INSR: variants seen among roughly 807,000 people sequenced by gnomAD.
INSR encodes insulin receptor, also known as IR.
In INSR, 67 loss-of-function variants were observed where a neutral mutation model predicts 142.6. The observed-to-expected ratio is 0.47, with a 90% confidence interval of 0.39 to 0.58. The LOEUF is 0.58. Among genes scored for constraint, INSR ranks in the 20% least tolerant of loss-of-function variants. INSR has a pLI of 0.00. For synonymous variants in INSR, 756 were observed against 743.1 expected (o/e 1.02, Z -0.28); for missense variants, 1,248 against 1,833.2 (o/e 0.68, Z 5.83).
At chr19:7,270,335 T>A (rs1359699348) in intron 1 of INSR, among the ~76,000 whole-genome samples, 127 of 83,286 alleles carry the variant, frequency 1.5e-3, no homozygotes, top group South Asian at 3.8e-3. Flanking sequence ...TCTCTCTCTC[T>A]CTCTCACACA....
intron 19 of INSR, 21 bp from the exon 20 acceptor site, chr19:7,120,770 C>T: frequency 6.2e-7 from 1 of 1,612,846 alleles, no homozygotes; most frequent in South Asian, 1.1e-5. Context: ...AAAAGGTTCA[C>T]ACGCTCTTAA....
At chr19:7,176,214 A>G (rs1974131431) in intron 3 of INSR, among the ~76,000 whole-genome samples, 1 of 152,118 alleles carries the variant, frequency 6.6e-6, no homozygotes, top group South Asian at 2.1e-4. Context: ...AGATGACTGG[A>G]TCATGGTGGG....
rs1972423171 is a variant in INSR, at chr19:7,119,492, C to A, written c.3751G>T (p.Asp1251Tyr). 2 of 1,614,066 alleles carry A rather than the reference C, an allele frequency of 1.2e-6. No homozygotes were observed. The highest frequency in any genetic ancestry group is 3.3e-5 in the Admixed American group (2 of 59,998). ...SNEQVLKFVM[D>Y]GGYLDQPDNC... ...TCGGGTTGATCCAGATACCCTCCATCCATGACAAATTTCAACACCTGTTCA... is the reference window on the plus strand; with the variant it reads ...TCGGGTTGATCCAGATACCCTCCATACATGACAAATTTCAACACCTGTTCA... The change falls in exon 21 of 22, where the codon GAT (aspartate) becomes TAT (tyrosine). Residue 1251 changes from aspartate (D) to tyrosine (Y), a missense_variant. Around this residue, in one of 3 missense-constraint regions of INSR, gnomAD observed 1,069 missense variants for 1,654.0 expected, o/e 0.65. Transcript: ENST00000302850. This position sits in a 1 kb window ranked among gnomAD's most constrained non-coding sequence, Gnocchi z 5.2.
chr19:7,184,663 GAAATAAATAAATAAATAAATAAAT>G (rs57380348), intron 2 of INSR, 26 bp from the exon 3 acceptor site: 18 of 961,616 alleles, frequency 1.9e-5, no homozygotes, highest in Non-Finnish European at 2.6e-5. Context: ...GAGAGAGAGG[GAAATAAATAAATAAATAAATAAAT>G]AAATAAATAA....
chr19:7,128,990 A>G (rs1371281026), intron 14 of INSR, 36 bp from the exon 15 acceptor site: 5 of 1,513,482 alleles, frequency 3.3e-6, no homozygotes, highest in Non-Finnish European at 4.6e-6. Context: ...TTTCATATCA[A>G]TGTGTTTCCA....
chr19:7,240,546 G>T (rs1477610075), intron 2 of INSR, among the ~76,000 whole-genome samples: 1 of 152,216 alleles, frequency 6.6e-6, no homozygotes, highest in African/African-American at 2.4e-5. Context: ...TCCAGCCAGG[G>T]TGACAAGAGT....
At chr19:7,282,855 C>G (rs1181292674) in intron 1 of INSR, among the ~76,000 whole-genome samples, 1 of 151,720 alleles carries the variant, frequency 6.6e-6, no homozygotes, top group African/African-American at 2.4e-5. Context: ...CGCCTGTAGT[C>G]CCTGCTACTC....
chr19:7,280,488 C>T (rs1383600896), intron 1 of INSR, among the ~76,000 whole-genome samples: 4 of 152,024 alleles, frequency 2.6e-5, no homozygotes, highest in African/African-American at 4.8e-5. Context: ...GCAGCCGAGG[C>T]GGGTGGATCA....
intron 3 of INSR, among the ~76,000 whole-genome samples, chr19:7,184,075 A>G (rs1456079607): frequency 6.6e-6 from 1 of 151,048 alleles, no homozygotes; most frequent in Non-Finnish European, 1.5e-5. Context: ...AAAAAAAAAA[A>G]GAATGGTGGG....
chr19:7,263,094 A>G (rs1282759673), intron 2 of INSR, among the ~76,000 whole-genome samples: 1 of 152,116 alleles, frequency 6.6e-6, no homozygotes, highest in African/African-American at 2.4e-5. Flanking sequence ...CCTGGCCAAC[A>G]TGGCAAAGCC....
intron 2 of INSR, among the ~76,000 whole-genome samples, chr19:7,191,348 G>A (rs868545011): frequency 9.6e-5 from 14 of 145,554 alleles, no homozygotes; most frequent in African/African-American, 3.6e-4. Context: ...AGAAAGAAAG[G>A]AGGGAGGGAG....
In INSR at chr19:7,125,662, G is replaced by A. The variant is rs1972629977; in HGVS notation, c.3014-135C>T. 1.7e-6 allele frequency: 2 copies of A among 1,210,170 alleles called. No homozygotes were observed. Among genetic ancestry groups the A allele is most frequent in the South Asian group, 2.5e-5 (2 of 79,320 alleles). 75.0% of individuals were successfully genotyped at this position (1,210,170 alleles called of 1,614,324 possible). A position where few individuals can be genotyped will look rare whatever the true frequency, so the allele number is the denominator to read the frequency against. The stretch of plus-strand genomic sequence containing the variant: ...TTCTGTGATCCAGGACCCATGCCGG[G>A]CACTGGGCATATGGCCGAGAACAGG... On this transcript the variant is annotated intron_variant, in intron 16 of 21. Coordinates refer to ENST00000302850, the MANE Select transcript of INSR (RefSeq NM_000208.4). This position sits in a 1 kb window ranked among gnomAD's most constrained non-coding sequence, Gnocchi z 4.9.
intron 2 of INSR, among the ~76,000 whole-genome samples, chr19:7,257,964 A>G (rs1976947325): frequency 6.6e-6 from 1 of 152,202 alleles, no homozygotes; most frequent in African/African-American, 2.4e-5. Context: ...CTGGGATTAC[A>G]GGTGCCCGCC....
At chr19:7,249,789 G>T (rs1041343772) in intron 2 of INSR, among the ~76,000 whole-genome samples, 1 of 152,078 alleles carries the variant, frequency 6.6e-6, no homozygotes, top group South Asian at 2.1e-4. Context: ...TCAGGAGATC[G>T]AGACCATCCT....
At chr19:7,219,578 GGGAGGGAAGAGAGAGA>G (rs1975547270) in intron 2 of INSR, among the ~76,000 whole-genome samples, 1 of 122,842 alleles carries the variant, frequency 8.1e-6, no homozygotes, top group Admixed American at 8.1e-5. Context: ...AAGGAAGGAA[GGGAGGGAAGAGAGAGA>G]GAAGGAAGGA....
rs1161686504 is a variant in INSR at position 7,159,924 on chromosome 19, C to A, written c.2029+3108G>T. 6.6e-6 allele frequency among the ~76,000 whole-genome samples: 1 copy of A among 152,134 alleles called. No individual in the cohort carries two copies. Among genetic ancestry groups the A allele is most frequent in the Non-Finnish European group, 1.5e-5 (1 of 68,034 alleles). ...GCCAGTGGCCCCCTGGCCTTCTCCTCCAGGGTCATGGACCGAGGATATCAC... is the reference window on the plus strand; with the variant it reads ...GCCAGTGGCCCCCTGGCCTTCTCCTACAGGGTCATGGACCGAGGATATCAC... On this transcript the variant is annotated intron_variant, in intron 9 of 21. Coordinates refer to ENST00000302850, the MANE Select transcript of INSR (RefSeq NM_000208.4). The surrounding 1 kb of genome is among the most constrained non-coding windows in gnomAD (Gnocchi z 4.3).
chr19:7,271,341 C>CA (rs1568231728), intron 1 of INSR, among the ~76,000 whole-genome samples: 1 of 151,522 alleles, frequency 6.6e-6, no homozygotes, highest in Non-Finnish European at 1.5e-5. Flanking sequence ...ACTAAAAATA[C>CA]AAAAAACAAC....
intron 2 of INSR, among the ~76,000 whole-genome samples, chr19:7,195,653 AAAATAAATAAAT>A (rs138270962): frequency 6.6e-6 from 1 of 151,010 alleles, no homozygotes; most frequent in East Asian, 1.9e-4. Context: ...AAAAAAAATA[AAAATAAATAAAT>A]AAATAAATAA....
intron 1 of INSR, among the ~76,000 whole-genome samples, chr19:7,284,281 T>A (rs983817451): frequency 6.6e-6 from 1 of 151,840 alleles, no homozygotes; most frequent in South Asian, 2.1e-4. Context: ...CCCAGGCTGG[T>A]CTCAAACTCT....
Sources: gnomAD v4.1 joint callset for allele counts (sites outside exome capture counted in the v4.1 genomes callset) on GRCh38, gnomAD v4.1.1 for gene constraint, gnomAD v4.1.1 regional missense constraint, Gnocchi (gnomAD v3.1) non-coding constraint, MANE v1.5 for transcripts, NCBI Gene and HGNC (gene_info 2026-07-23, HGNC 2026-07-21) for gene names.